Variants in MCTP2 observed in about 807,000 individuals in gnomAD.
MCTP2 encodes the protein multiple C2 and transmembrane domain-containing protein 2.
A neutral mutation model predicts 111.6 loss-of-function variants in MCTP2; 132 were observed. That is an observed-to-expected ratio of 1.18 (90% CI 1.03 to 1.37). The LOEUF (loss-of-function observed/expected upper bound fraction) is 1.37. Among genes scored for constraint, MCTP2 ranks in the 40% most tolerant of loss-of-function variants. The pLI, the probability that MCTP2 is intolerant of heterozygous loss-of-function variation, is 0.00. For synonymous variants in MCTP2, 395 were observed against 387.7 expected (o/e 1.02, Z -0.22); for missense variants, 1,183 against 1,067.9 (o/e 1.11, Z -1.50).
chr15:94,411,162 A>G (rs938226078), intron 17 of MCTP2, among the ~76,000 whole-genome samples: 4 of 152,252 alleles, frequency 2.6e-5, no homozygotes, highest in African/African-American at 9.6e-5. Context: ...AAAAACAGAA[A>G]AGAATATTTA....
chr15:94,387,321 C>T (rs528117032), intron 14 of MCTP2, among the ~76,000 whole-genome samples: 12 of 152,006 alleles, frequency 7.9e-5, no homozygotes, highest in African/African-American at 2.7e-4. Context: ...CTGACCTCTA[C>T]ACACTAGATA....
At chr15:94,318,306 C>T (rs1197315046) in intron 4 of MCTP2, among the ~76,000 whole-genome samples, 9 of 140,744 alleles carry the variant, frequency 6.4e-5, no homozygotes, top group African/African-American at 1.6e-4. Context: ...TTTTTTGAGA[C>T]GGAGTCTAGC....
intron 21 of MCTP2, among the ~76,000 whole-genome samples, chr15:94,470,855 TCA>T (rs2073866771): frequency 6.6e-6 from 1 of 152,136 alleles, no homozygotes; most frequent in African/African-American, 2.4e-5. Context: ...TTCTGACACT[TCA>T]TCCCTCTTGG....
intron 10 of MCTP2, among the ~76,000 whole-genome samples, chr15:94,364,763 T>G (rs1267662712): frequency 6.6e-6 from 1 of 152,220 alleles, no homozygotes; most frequent in African/African-American, 2.4e-5. Flanking sequence ...TGCAGTAACC[T>G]CTTACTAGGT....
At chr15:94,238,178 TAC>T (rs2152214917) in intron 1 of MCTP2, among the ~76,000 whole-genome samples, 1 of 152,308 alleles carries the variant, frequency 6.6e-6, no homozygotes, top group African/African-American at 2.4e-5. Flanking sequence ...TAAAATATTT[TAC>T]AGAGTTTGAC....
intron 2 of MCTP2, among the ~76,000 whole-genome samples, chr15:94,300,647 T>A (rs532087262): frequency 1.4e-4 from 21 of 152,204 alleles, no homozygotes; most frequent in African/African-American, 5.1e-4. Context: ...CCAACTGTGA[T>A]TTTTTGGGAG....
chr15:94,287,788 G>A lies in MCTP2; in HGVS notation c.-65-10413G>A, dbSNP rs2074832677. On this transcript the variant is annotated intron_variant, in intron 1 of 22. Coordinates refer to ENST00000357742, the MANE Select transcript of MCTP2 (RefSeq NM_001385001.1). ...TCTATCCATAGATCCCCTGGAGCTG[G>A]GTCATGACAAAACTGGACCAATTAT... Among the ~76,000 whole-genome samples, 3 of 152,148 alleles carry A rather than the reference G, an allele frequency of 2.0e-5. No individual in the cohort carries two copies. The East Asian group carries it at 5.8e-4, about 29-fold the overall frequency.
intron 14 of MCTP2, among the ~76,000 whole-genome samples, chr15:94,392,499 A>G (rs1293148793): frequency 6.6e-6 from 1 of 152,104 alleles, no homozygotes. Context: ...AATGATATAT[A>G]TTATGTATTC....
intron 21 of MCTP2, among the ~76,000 whole-genome samples, chr15:94,473,241 C>T (rs974983847): frequency 6.6e-6 from 1 of 152,108 alleles, no homozygotes; most frequent in Non-Finnish European, 1.5e-5. Flanking sequence ...AGGTGAGATG[C>T]TTTATTTCCT....
chr15:94,383,012 C>T (rs187470791), intron 12 of MCTP2, among the ~76,000 whole-genome samples: 84 of 152,142 alleles, frequency 5.5e-4, no homozygotes, highest in African/African-American at 1.9e-3. Context: ...TGGGAGATAG[C>T]GTAGAAAGAG....
At chr15:94,378,810 A>G (rs1260180799) in intron 12 of MCTP2, among the ~76,000 whole-genome samples, 2 of 152,194 alleles carry the variant, frequency 1.3e-5, no homozygotes, top group Admixed American at 1.3e-4. Flanking sequence ...CTGGACGTAC[A>G]TGAAAAGTTA....
intron 1 of MCTP2, among the ~76,000 whole-genome samples, chr15:94,245,410 TTATATACATGTGTGTATATATTTA>T (rs1567265156): frequency 7.3e-6 from 1 of 137,520 alleles, no homozygotes; most frequent in Admixed American, 7.5e-5. Context: ...GTGTATATAT[TTATATACATGTGTGTATATATTTA>T]TATATACACA....
At position 94,279,297 on chromosome 15, in the gene MCTP2, C is replaced by T. The variant is rs140665536; in HGVS notation, c.-65-18904C>T. Among the ~76,000 whole-genome samples, 504 of 152,192 alleles carry T rather than the reference C, an allele frequency of 3.3e-3. 5 individuals carry two copies. The highest frequency in any genetic ancestry group is 4.3e-3 in the Non-Finnish European group (289 of 67,978). ...TTGTGTCATCTCTGACTTCTTTTAG[C>T]AGTGTTTTGTAATTCTTGTTGTAGA... is the stretch of plus-strand genomic sequence containing the variant. On this transcript the variant is annotated intron_variant, in intron 1 of 22. Coordinates refer to ENST00000357742, the MANE Select transcript of MCTP2 (RefSeq NM_001385001.1).
chr15:94,255,923 A>C (rs1186726369), intron 1 of MCTP2, among the ~76,000 whole-genome samples: 1 of 151,598 alleles, frequency 6.6e-6, no homozygotes, highest in Non-Finnish European at 1.5e-5. Flanking sequence ...TACTTCTGTT[A>C]ATGAAGCACA....
chr15:94,312,872 G>T (rs1242595292), intron 2 of MCTP2, among the ~76,000 whole-genome samples: 1 of 152,130 alleles, frequency 6.6e-6, no homozygotes, highest in African/African-American at 2.4e-5. Context: ...CCCTGGTCTG[G>T]ATGTTTTGTT....
At chr15:94,328,538 G>A (rs182917490) in intron 4 of MCTP2, among the ~76,000 whole-genome samples, 5 of 152,172 alleles carry the variant, frequency 3.3e-5, no homozygotes, top group African/African-American at 7.2e-5. Context: ...CTGCCTGTGC[G>A]CACGTTGATG....
At chr15:94,281,318 C>G (rs1357479994) in intron 1 of MCTP2, among the ~76,000 whole-genome samples, 2 of 151,798 alleles carry the variant, frequency 1.3e-5, no homozygotes, top group African/African-American at 2.4e-5. Flanking sequence ...TATGGAATGT[C>G]CTTCTTTGTC....
At chr15:94,443,870 G>A (rs2083934341) in intron 19 of MCTP2, among the ~76,000 whole-genome samples, 2 of 149,550 alleles carry the variant, frequency 1.3e-5, no homozygotes, top group African/African-American at 4.9e-5. Context: ...TCACACAGAT[G>A]CAAGTTTCTT....
chr15:94,278,703 G>GT (rs34094265), intron 1 of MCTP2, among the ~76,000 whole-genome samples: 43,128 of 151,600 alleles, frequency 0.28, 7,797 homozygotes, highest in African/African-American at 0.52. Context: ...CTAACAGGTA[G>GT]TTTTTTTTGA....
Sources: allele counts gnomAD v4.1 joint callset (sites outside exome capture counted in the v4.1 genomes callset), GRCh38; gene constraint gnomAD v4.1.1; transcripts MANE v1.5; gene names NCBI Gene and HGNC (gene_info 2026-07-23, HGNC 2026-07-21).